Variants in DLC1 observed in about 807,000 individuals in gnomAD.
The protein encoded by DLC1 is DLC1 Rho GTPase activating protein.
Under a neutral mutation model 140.3 loss-of-function variants are expected in DLC1, and 54 were observed. That is an observed-to-expected ratio of 0.38 (90% confidence interval 0.31 to 0.48). The LOEUF (loss-of-function observed/expected upper bound fraction) is 0.48. Ranked by LOEUF, DLC1 falls within the 20% of genes least tolerant of loss-of-function variation. The pLI, the probability that DLC1 is intolerant of heterozygous loss-of-function variation, is 0.96. For synonymous variants in DLC1, 986 were observed against 728.1 expected (o/e 1.35, Z -5.70); for missense variants, 2,536 against 1,907.0 (o/e 1.33, Z -6.14).
chr8:13,236,634 C>A (rs1316484082), intron 5 of DLC1, among the ~76,000 whole-genome samples: 1 of 152,106 alleles, frequency 6.6e-6, no homozygotes, highest in African/African-American at 2.4e-5. Context: ...ATTCCTGTTA[C>A]AACTCTGAGA....
chr8:13,499,322 G>A lies in DLC1; in HGVS notation c.750C>T (p.Cys250=), dbSNP rs747896483. Residue 250 remains cysteine, a synonymous_variant, in exon 2 of 18, where the codon TGC becomes TGT. Coordinates refer to ENST00000276297, the MANE Select transcript of DLC1 (RefSeq NM_182643.3). ...CCAAGAACTCATTTTGTACTACATT[G>A]CAGGTGCTTCTTTCATTTTCATCTT... ...PPKDENERST[C]NVVQNEFLDT... is the part of the protein sequence containing the mutation. 9.9e-6 allele frequency: 16 copies of A among 1,613,926 alleles called. No homozygotes were observed. Among genetic ancestry groups the A allele is most frequent in the Non-Finnish European group, 1.3e-5 (15 of 1,180,030 alleles).
At chr8:13,503,503 T>C (rs1801915579) in intron 1 of DLC1, among the ~76,000 whole-genome samples, 1 of 152,210 alleles carries the variant, frequency 6.6e-6, no homozygotes, top group Non-Finnish European at 1.5e-5. Context: ...TCATGCTCTA[T>C]TTTTGCACTT....
intron 5 of DLC1, among the ~76,000 whole-genome samples, chr8:13,234,124 G>A (rs1829176545): frequency 6.6e-6 from 1 of 152,102 alleles, no homozygotes. Context: ...CATTTATAAA[G>A]CAAGATAGTA....
chr8:13,106,590 A>T (rs1819586700), intron 7 of DLC1, among the ~76,000 whole-genome samples: 1 of 152,080 alleles, frequency 6.6e-6, no homozygotes, highest in South Asian at 2.1e-4. Flanking sequence ...GGCTCAAGGG[A>T]TCCTCCCATC....
In DLC1 at chr8:13,098,506, A is replaced by C. The variant is rs1325143155; in HGVS notation, c.3060T>G (p.Ile1020Met). ...TCATCTGGGCCACAGACTGGCAGTT[A>C]ATCTGTAGTGATACAGAGTTGAGGC... is the stretch of plus-strand genomic sequence containing the variant. ...RPSLNSVSLQINCQSVAQMNL... is the reference protein window; with the variant it reads ...RPSLNSVSLQMNCQSVAQMNL... The change falls in exon 10 of 18, where the codon ATT becomes ATG. Residue 1020 changes from isoleucine (I) to methionine (M), a missense_variant. Physicochemically the swap from Ile to Met is conservative, Grantham distance 10. Coordinates refer to ENST00000276297, the MANE Select transcript of DLC1 (RefSeq NM_182643.3). 6.2e-7 allele frequency: 1 copy of C among 1,614,080 alleles called. No individual in the cohort carries two copies. The highest frequency in any genetic ancestry group is 1.3e-5 in the African/African-American group (1 of 74,946).
At chr8:13,388,669 A>G (rs1215175555) in intron 4 of DLC1, among the ~76,000 whole-genome samples, 3 of 152,010 alleles carry the variant, frequency 2.0e-5, no homozygotes, top group African/African-American at 7.2e-5. Context: ...TTGAAAAATA[A>G]CATCTGATGT....
At chr8:13,316,371 T>C (rs922568127) in intron 4 of DLC1, among the ~76,000 whole-genome samples, 1 of 152,190 alleles carries the variant, frequency 6.6e-6, no homozygotes, top group African/African-American at 2.4e-5. Context: ...TACAATTGTA[T>C]TGTATAAAGC....
intron 5 of DLC1, among the ~76,000 whole-genome samples, chr8:13,136,148 G>A (rs1265028048): frequency 6.6e-6 from 1 of 152,184 alleles, no homozygotes; most frequent in African/African-American, 2.4e-5. Context: ...TTTAGAGCAG[G>A]CCACTTACTA....
chr8:13,598,283 G>A (rs1173301367), intron 1 of DLC1, among the ~76,000 whole-genome samples: 2 of 152,000 alleles, frequency 1.3e-5, no homozygotes, highest in East Asian at 3.9e-4. Context: ...AGTGCTTGCT[G>A]CTAGCCAGAG....
chr8:13,427,659 G>T lies in DLC1; in HGVS notation c.1024-26040C>A, dbSNP rs555243830. Among the ~76,000 whole-genome samples, 4 of 152,074 alleles carry T rather than the reference G, an allele frequency of 2.6e-5. No homozygotes were observed. The South Asian group carries it at 8.3e-4, about 32-fold the overall frequency. Reference sequence around the variant, plus strand: ...GACTTCTTTCTCAATCCCACTTCCCGTGGAATTACTCAGTCTTTTGTACTG... The same window carrying T: ...GACTTCTTTCTCAATCCCACTTCCCTTGGAATTACTCAGTCTTTTGTACTG... On this transcript the variant is annotated intron_variant, in intron 2 of 17. Coordinates refer to ENST00000276297, the MANE Select transcript of DLC1 (RefSeq NM_182643.3).
chr8:13,520,078 A>G (rs962953883), intron 1 of DLC1, among the ~76,000 whole-genome samples: 1 of 152,210 alleles, frequency 6.6e-6, no homozygotes, highest in Non-Finnish European at 1.5e-5. Context: ...TTCCTCAAGG[A>G]TCTACAACTA....
chr8:13,479,863 A>AAG (rs1800627194), intron 2 of DLC1, among the ~76,000 whole-genome samples: 4 of 56,380 alleles, frequency 7.1e-5, no homozygotes, highest in African/African-American at 1.4e-4. Context: ...GAAGAAGAGA[A>AAG]AAAGAAAGAA....
chr8:13,389,344 A>G (rs1334943606), intron 4 of DLC1, among the ~76,000 whole-genome samples: 2 of 152,148 alleles, frequency 1.3e-5, no homozygotes, highest in Non-Finnish European at 2.9e-5. Context: ...AGAGAGTGAT[A>G]TCAGTGTACT....
chr8:13,327,062 C>T (rs1175359798), intron 4 of DLC1, among the ~76,000 whole-genome samples: 3 of 151,930 alleles, frequency 2.0e-5, no homozygotes, highest in African/African-American at 7.3e-5. Flanking sequence ...TCATGCCACT[C>T]TCCCGCCTCA....
intron 4 of DLC1, among the ~76,000 whole-genome samples, chr8:13,312,601 A>G (rs575772215): frequency 6.6e-6 from 1 of 152,074 alleles, no homozygotes; most frequent in African/African-American, 2.4e-5. Flanking sequence ...TCTCTATGTT[A>G]CTATTAAAGT....
intron 5 of DLC1, among the ~76,000 whole-genome samples, chr8:13,161,438 T>G (rs954286103): frequency 2.6e-5 from 4 of 152,102 alleles, no homozygotes; most frequent in African/African-American, 4.8e-5. Context: ...GAGGATGGCT[T>G]GAGCCATCCT....
intron 2 of DLC1, among the ~76,000 whole-genome samples, chr8:13,471,471 T>TGAAG (rs746428021): frequency 6.0e-5 from 7 of 116,560 alleles, no homozygotes; most frequent in African/African-American, 2.2e-4. Flanking sequence ...AAGGAAGGAA[T>TGAAG]GAAGGAAGGA....
At chr8:13,190,749 G>A (rs71522332) in intron 5 of DLC1, among the ~76,000 whole-genome samples, 1 of 152,194 alleles carries the variant, frequency 6.6e-6, no homozygotes, top group Non-Finnish European at 1.5e-5. Context: ...GCGTGGGCCC[G>A]AGAGGTGAGT....
intron 5 of DLC1, among the ~76,000 whole-genome samples, chr8:13,302,929 G>C (rs921349162): frequency 3.3e-5 from 5 of 152,070 alleles, no homozygotes; most frequent in Admixed American, 3.3e-4. Flanking sequence ...AAATAATAAA[G>C]TTTAGAAATA....
Sources: gnomAD v4.1 joint callset for allele counts (sites outside exome capture counted in the v4.1 genomes callset) on GRCh38, gnomAD v4.1.1 for gene constraint, MANE v1.5 for transcripts, NCBI Gene and HGNC (gene_info 2026-07-23, HGNC 2026-07-21) for gene names.